Variants in GUCY1A2 observed in about 807,000 individuals in gnomAD.
GUCY1A2 encodes the protein guanylate cyclase 1 soluble subunit alpha 2.
In GUCY1A2, 27 loss-of-function variants were observed where a neutral mutation model predicts 63.5. The ratio of observed to expected loss-of-function variants is 0.43; its 90% CI spans 0.31 to 0.59. The LOEUF (loss-of-function observed/expected upper bound fraction) is 0.59. GUCY1A2 is among the 20% of genes least tolerant of loss of function. The probability of loss-of-function intolerance (pLI) is 0.11; values close to 1 mark genes in which losing one functional copy is unlikely to be tolerated. For missense variants in GUCY1A2, 768 were observed against 913.3 expected (o/e 0.84, Z 2.05); for synonymous variants, 364 against 343.5 (o/e 1.06, Z -0.66).
At chr11:106,830,772 T>G (rs2135436772) in intron 4 of GUCY1A2, among the ~76,000 whole-genome samples, 1 of 152,302 alleles carries the variant, frequency 6.6e-6, no homozygotes, top group South Asian at 2.1e-4. Flanking sequence ...ATCCTATTAG[T>G]TCCGACCCTC....
chr11:106,802,786 C>G (rs942385923), intron 5 of GUCY1A2, among the ~76,000 whole-genome samples: 7 of 152,098 alleles, frequency 4.6e-5, no homozygotes, highest in Non-Finnish European at 8.8e-5. Context: ...TATAATGATG[C>G]TAATTCCATC....
chr11:106,986,273 T>G, intron 1 of GUCY1A2, 142 bp from the exon 2 acceptor site: 1 of 503,040 alleles, frequency 2.0e-6, no homozygotes, highest in African/African-American at 2.0e-5. Flanking sequence ...TTTTGCATCA[T>G]GCCATGTATT....
In GUCY1A2 at chr11:106,986,078, T is replaced by A. The variant is rs188450102; in HGVS notation, c.357A>T (p.Gln119His). Residue 119 changes from glutamine to histidine, a missense_variant, in exon 2 of 8, where the codon CAA (glutamine) becomes CAT (histidine). By Grantham distance (24) the Gln-to-His change is conservative. Transcript: ENST00000526355. ...AATCAATTTTTACTTACCCAATAAC[T>A]TGATGTTCATAATACTGCAGTGTCC... ...LKRTLQYYEH[Q>H]VIGYRDAEKN... 2.7e-5 allele frequency: 39 copies of A among 1,443,360 alleles called. No homozygotes were observed. In the Admixed American group the frequency reaches 6.4e-4, roughly 24 times the overall value. The allele number at this position is 1,443,360 out of a possible 1,614,324, so 89.4% of individuals were successfully genotyped here.
chr11:106,995,926 A>G (rs1452739719), intron 1 of GUCY1A2, among the ~76,000 whole-genome samples: 2 of 152,230 alleles, frequency 1.3e-5, no homozygotes, highest in Non-Finnish European at 2.9e-5. Flanking sequence ...GTATTTCCAA[A>G]GAATTCTCTA....
intron 4 of GUCY1A2, among the ~76,000 whole-genome samples, chr11:106,874,416 T>C (rs1000724122): frequency 1.3e-5 from 2 of 152,158 alleles, no homozygotes; most frequent in African/African-American, 2.4e-5. Context: ...TAATTATTTA[T>C]CCAAGAAGAA....
rs745712746 is a variant in GUCY1A2 at position 106,675,442 on chromosome 11, G to C, written c.*12107C>G. 2 of 201,120 alleles carry C rather than the reference G, an allele frequency of 9.9e-6. No homozygotes were observed. Among genetic ancestry groups the C allele is most frequent in the Non-Finnish European group, 2.0e-5 (2 of 97,858 alleles). 12.5% of individuals were successfully genotyped at this position (201,120 alleles called of 1,614,324 possible). A position where few individuals can be genotyped will look rare whatever the true frequency, so the allele number is the denominator to read the frequency against. On this transcript the variant is annotated 3_prime_UTR_variant, in exon 8 of 8. Coordinates refer to ENST00000526355, the MANE Select transcript of GUCY1A2 (RefSeq NM_000855.3). ...TTTCCGCATAGTCGGAATAATTTTT[G>C]CTCCAAATTCTTAAAGGAGACAATG...
At chr11:106,985,054 T>C (rs2120137015) in intron 2 of GUCY1A2, among the ~76,000 whole-genome samples, 1 of 152,236 alleles carries the variant, frequency 6.6e-6, no homozygotes, top group African/African-American at 2.4e-5. Context: ...TAAGATTTCT[T>C]CCCTTCTGTT....
chr11:106,677,526 G>A lies in GUCY1A2; in HGVS notation c.*10023C>T, dbSNP rs1862366180. ...TCTGCACTGGGGAGACATCTATGATGTGACAAGTTATTTTTGTCCCTTTAA... is the reference window on the plus strand; with the variant it reads ...TCTGCACTGGGGAGACATCTATGATATGACAAGTTATTTTTGTCCCTTTAA... On this transcript the variant is annotated 3_prime_UTR_variant, in exon 8 of 8. Coordinates refer to ENST00000526355, the MANE Select transcript of GUCY1A2 (RefSeq NM_000855.3). The A allele has an allele frequency of 4.8e-6, 1 of 209,078 alleles. No individual in the cohort carries two copies. Among genetic ancestry groups the A allele is most frequent in the African/African-American group, 2.3e-5 (1 of 43,978 alleles). The allele number at this position is 209,078 out of a possible 1,614,324, so 13.0% of individuals were successfully genotyped here.
chr11:106,939,200 T>C (rs987711493), intron 4 of GUCY1A2, among the ~76,000 whole-genome samples: 2 of 152,206 alleles, frequency 1.3e-5, no homozygotes, highest in African/African-American at 2.4e-5. Flanking sequence ...AGTTCTATCA[T>C]TTTTGTAATT....
chr11:106,686,143 A>G lies in GUCY1A2; in HGVS notation c.*1406T>C, dbSNP rs1333790567. On this transcript the variant is annotated 3_prime_UTR_variant, in exon 8 of 8. Coordinates refer to ENST00000526355, the MANE Select transcript of GUCY1A2 (RefSeq NM_000855.3). ...AGCTTATTAACCTCAATAGAAACTT[A>G]GATTTTATATCTGAACCCAAACAGG... 2.3e-5 allele frequency: 5 copies of G among 216,342 alleles called. No homozygotes were observed. Among genetic ancestry groups the G allele is most frequent in the African/African-American group, 1.1e-4 (5 of 44,422 alleles). The allele number at this position is 216,342 out of a possible 1,614,324, so 13.4% of individuals were successfully genotyped here.
intron 6 of GUCY1A2, among the ~76,000 whole-genome samples, chr11:106,742,396 G>T (rs151203357): frequency 1.3e-5 from 2 of 152,198 alleles, no homozygotes; most frequent in African/African-American, 4.8e-5. Flanking sequence ...GTGTCCATGT[G>T]TTCTCATCAT....
At chr11:106,779,556 C>G (rs1308946634) in intron 5 of GUCY1A2, among the ~76,000 whole-genome samples, 1 of 152,106 alleles carries the variant, frequency 6.6e-6, no homozygotes, top group Non-Finnish European at 1.5e-5. Flanking sequence ...AATCAAAATG[C>G]TTTGCAGTAG....
At chr11:106,835,088 A>C (rs1052691448) in intron 4 of GUCY1A2, among the ~76,000 whole-genome samples, 1 of 152,070 alleles carries the variant, frequency 6.6e-6, no homozygotes, top group East Asian at 1.9e-4. Context: ...AGGTAGGAAA[A>C]AACATAATAG....
intron 5 of GUCY1A2, among the ~76,000 whole-genome samples, chr11:106,796,724 A>C (rs1249124031): frequency 6.6e-6 from 1 of 152,056 alleles, no homozygotes; most frequent in Non-Finnish European, 1.5e-5. Flanking sequence ...CCTTCATTTC[A>C]ACTTTGGTGA....
intron 4 of GUCY1A2, among the ~76,000 whole-genome samples, chr11:106,855,896 TA>T (rs1859424120): frequency 3.6e-5 from 2 of 56,046 alleles, no homozygotes; most frequent in Non-Finnish European, 7.2e-5. Context: ...TCTTGTATTT[TA>T]TTTATTTATT....
chr11:106,792,385 C>CAAA (rs60149576), intron 5 of GUCY1A2, among the ~76,000 whole-genome samples: 2 of 84,794 alleles, frequency 2.4e-5, no homozygotes, highest in African/African-American at 8.8e-5. Context: ...GACTCCATCT[C>CAAA]AAAAAAAAAA....
At chr11:106,717,444 T>A (rs1863235397) in intron 6 of GUCY1A2, among the ~76,000 whole-genome samples, 1 of 152,212 alleles carries the variant, frequency 6.6e-6, no homozygotes, top group South Asian at 2.1e-4. Context: ...ATAGATTTAT[T>A]CTGGAATGTG....
At chr11:106,742,993 C>T (rs1010739864) in intron 6 of GUCY1A2, among the ~76,000 whole-genome samples, 1 of 152,116 alleles carries the variant, frequency 6.6e-6, no homozygotes, top group African/African-American at 2.4e-5. Flanking sequence ...TCAGTGGGTT[C>T]CCATTAATGT....
At chr11:106,784,502 A>G (rs1198858118) in intron 5 of GUCY1A2, among the ~76,000 whole-genome samples, 1 of 152,104 alleles carries the variant, frequency 6.6e-6, no homozygotes, top group Non-Finnish European at 1.5e-5. Context: ...AGAGATAAAC[A>G]AAACTGAGGA....
Sources: gnomAD v4.1 joint callset for allele counts (sites outside exome capture counted in the v4.1 genomes callset) on GRCh38, gnomAD v4.1.1 for gene constraint, MANE v1.5 for transcripts, NCBI Gene and HGNC (gene_info 2026-07-23, HGNC 2026-07-21) for gene names.